USH2A: variants seen among roughly 807,000 people sequenced by gnomAD.
The protein encoded by USH2A is usherin.
USH2A carries 443 observed loss-of-function variants against 538.9 expected under a neutral mutation model. That is an observed-to-expected ratio of 0.82 (90% CI 0.76 to 0.89). The LOEUF is 0.89. Ranked by LOEUF, USH2A falls within the 40% of genes least tolerant of loss-of-function variation. USH2A has a pLI of 0.00. For missense variants in USH2A, 6,633 were observed against 6,324.8 expected, an observed-to-expected ratio of 1.05 and a Z score of -1.65; for synonymous variants, 2,413 against 2,273.5, an observed-to-expected ratio of 1.06 and a Z score of -1.75.
intron 38 of USH2A, among the ~76,000 whole-genome samples, chr1:215,915,892 A>G (rs1043521292): frequency 6.6e-6 from 1 of 152,036 alleles, no homozygotes; most frequent in Non-Finnish European, 1.5e-5. Context: ...TTGTAGGGAC[A>G]TGGATGAAAT....
rs1660917743 is a variant in USH2A, at chr1:215,759,554, GTTAA to G, written c.11231+102_11231+105del. 2.9e-6 allele frequency: 4 copies of G among 1,394,528 alleles called. No homozygotes were observed. In the South Asian group the frequency reaches 4.8e-5, roughly 17 times the overall value. The allele number at this position is 1,394,528 out of a possible 1,614,324, so 86.4% of individuals were successfully genotyped here. ...TATTGAATGGCCAATGAATGAGGAA[GTTAA>G]TTAAACAATTTAACAACTTTCAGTG... On this transcript the variant is annotated intron_variant, in intron 57 of 71. Transcript: ENST00000307340.
At chr1:216,246,110 T>C (rs556930877) in intron 13 of USH2A, among the ~76,000 whole-genome samples, 6 of 152,334 alleles carry the variant, frequency 3.9e-5, no homozygotes, top group South Asian at 2.1e-4. Context: ...TTTGATGGCA[T>C]GTGGAAACAA....
chr1:216,315,709 G>T (rs1440831532), intron 9 of USH2A, among the ~76,000 whole-genome samples: 1 of 151,980 alleles, frequency 6.6e-6, no homozygotes, highest in Non-Finnish European at 1.5e-5. Flanking sequence ...TTTTACAACT[G>T]TATATAAATC....
chr1:216,191,185 T>C lies in USH2A; in HGVS notation c.4252-818A>G, dbSNP rs147308436. Among the ~76,000 whole-genome samples, 261 of 152,110 alleles carry C rather than the reference T, an allele frequency of 1.7e-3. 1 individual carries two copies. The highest frequency in any genetic ancestry group is 5.8e-3 in the African/African-American group (243 of 41,546). On this transcript the variant is annotated intron_variant, in intron 19 of 71. Coordinates refer to ENST00000307340, the MANE Select transcript of USH2A (RefSeq NM_206933.4). The stretch of plus-strand genomic sequence containing the variant: ...AATTATATTCAGAAAATAAAAGTCA[T>C]TAAAACAGAGAGTATGACAGTAACT...
At chr1:216,181,089 C>T (rs1023504888) in intron 20 of USH2A, among the ~76,000 whole-genome samples, 3 of 152,124 alleles carry the variant, frequency 2.0e-5, no homozygotes, top group Admixed American at 2.0e-4. Context: ...TATTTTGCCA[C>T]TTTCTTCTTT....
intron 37 of USH2A, among the ~76,000 whole-genome samples, chr1:215,955,317 A>C (rs1200592394): frequency 5.3e-5 from 8 of 152,218 alleles, no homozygotes; most frequent in Admixed American, 5.2e-4. Flanking sequence ...TAAATATCCC[A>C]GAAACAGGCA....
chr1:215,963,887 C>G (rs1209385745), intron 37 of USH2A, among the ~76,000 whole-genome samples: 2 of 152,068 alleles, frequency 1.3e-5, no homozygotes, highest in East Asian at 3.9e-4. Context: ...TAAATTCCAG[C>G]AGATTCCACT....
intron 71 of USH2A, among the ~76,000 whole-genome samples, chr1:215,627,212 G>A (rs1571913004): frequency 6.6e-6 from 1 of 152,112 alleles, no homozygotes; most frequent in African/African-American, 2.4e-5. Flanking sequence ...TTCAGTGAAG[G>A]AAAAGTGAGA....
chr1:216,379,501 C>T (rs2102731531), intron 3 of USH2A, among the ~76,000 whole-genome samples: 1 of 151,936 alleles, frequency 6.6e-6, no homozygotes, highest in Admixed American at 6.5e-5. Flanking sequence ...GAAGTATATA[C>T]AAGTGCTACT....
rs1294762253 is a variant in USH2A, at chr1:216,030,044, G to GATATATAT, written c.6325+16386_6325+16387insATATATAT. 8.3e-4 allele frequency among the ~76,000 whole-genome samples: 117 copies of GATATATAT among 140,974 alleles called. 1 individual carries two copies. Among genetic ancestry groups the GATATATAT allele is most frequent in the Non-Finnish European group, 1.1e-3 (72 of 65,824 alleles). 92.5% of individuals were successfully genotyped at this position (140,974 alleles called of 152,430 possible). A position where few individuals can be genotyped will look rare whatever the true frequency, so the allele number is the denominator to read the frequency against. ...TATATATCACAGATATATAATATAT[G>GATATATAT]GTATATATGATATATCACAGATATA... On this transcript the variant is annotated intron_variant, in intron 32 of 71. Transcript: ENST00000307340.
chr1:216,198,012 G>A (rs2034890046), intron 18 of USH2A, among the ~76,000 whole-genome samples: 1 of 152,060 alleles, frequency 6.6e-6, no homozygotes, highest in South Asian at 2.1e-4. Context: ...TCCACTTCAG[G>A]AGTGGAAACC....
intron 38 of USH2A, among the ~76,000 whole-genome samples, chr1:215,912,453 G>A (rs7556541): frequency 5.8e-4 from 25 of 42,876 alleles, no homozygotes; most frequent in South Asian, 1.8e-3. Flanking sequence ...GTAGGTATGT[G>A]TATATATATA....
rs1022171358 is a variant in USH2A, at chr1:215,727,899, C to G, written c.12066+131G>C. On this transcript the variant is annotated intron_variant, in intron 61 of 71. Coordinates refer to ENST00000307340, the MANE Select transcript of USH2A (RefSeq NM_206933.4). ...TCTTATCCCCGTGACTACATTGCAACTTTTCACAAGTGAAAGATTTTCATA... is the reference window on the plus strand; with the variant it reads ...TCTTATCCCCGTGACTACATTGCAAGTTTTCACAAGTGAAAGATTTTCATA... 5 of 1,143,402 alleles carry G rather than the reference C, an allele frequency of 4.4e-6. No individual in the cohort carries two copies. In the African/African-American group the frequency reaches 7.7e-5, roughly 18 times the overall value. 70.8% of individuals were successfully genotyped at this position (1,143,402 alleles called of 1,614,324 possible). A position where few individuals can be genotyped will look rare whatever the true frequency, so the allele number is the denominator to read the frequency against.
intron 49 of USH2A, among the ~76,000 whole-genome samples, chr1:215,799,816 T>C (rs890337557): frequency 1.5e-4 from 23 of 151,940 alleles, no homozygotes; most frequent in African/African-American, 5.3e-4. Context: ...TGAAACCCCA[T>C]CTCTACTAAA....
At chr1:216,251,682 C>T (rs545240672) in intron 11 of USH2A, among the ~76,000 whole-genome samples, 15 of 152,072 alleles carry the variant, frequency 9.9e-5, no homozygotes, top group African/African-American at 1.2e-4. Context: ...CCTCGTGATC[C>T]GCCCGCCTCG....
chr1:216,200,257 A>C, intron 16 of USH2A, 136 bp from the exon 17 acceptor site: 1 of 960,706 alleles, frequency 1.0e-6, no homozygotes, highest in Non-Finnish European at 1.5e-6. Flanking sequence ...GATACATTTC[A>C]TATTTTTAAA....
intron 20 of USH2A, among the ~76,000 whole-genome samples, chr1:216,180,172 A>G (rs964488917): frequency 5.3e-5 from 8 of 152,142 alleles, no homozygotes; most frequent in African/African-American, 1.7e-4. Flanking sequence ...ATTCATCTAT[A>G]TTCAAAATCT....
chr1:216,222,263 C>A (rs1282712779), intron 14 of USH2A, among the ~76,000 whole-genome samples: 1 of 152,104 alleles, frequency 6.6e-6, no homozygotes, highest in Non-Finnish European at 1.5e-5. Flanking sequence ...GCCATATGAG[C>A]TCTATTGTAA....
chr1:215,835,044 G>A (rs1051131395), intron 47 of USH2A, among the ~76,000 whole-genome samples: 5 of 150,552 alleles, frequency 3.3e-5, no homozygotes, highest in African/African-American at 1.2e-4. Context: ...TATGGTTAGA[G>A]AATTTTCTTT....
Sources: gnomAD v4.1 joint callset for allele counts (sites outside exome capture counted in the v4.1 genomes callset) on GRCh38, gnomAD v4.1.1 for gene constraint, MANE v1.5 for transcripts, NCBI Gene and HGNC (gene_info 2026-07-23, HGNC 2026-07-21) for gene names.